Variants in HERC1 observed in about 807,000 individuals in gnomAD.
HERC1 encodes HECT and RLD domain containing E3 ubiquitin protein ligase family member 1.
In HERC1, 160 loss-of-function variants were observed where a neutral mutation model predicts 554.3. The ratio of observed to expected loss-of-function variants is 0.29; its 90% CI spans 0.25 to 0.33. The LOEUF (loss-of-function observed/expected upper bound fraction) is 0.33, where lower values mean the gene tolerates loss of function less well. Ranked by LOEUF, HERC1 falls within the 10% of genes least tolerant of loss-of-function variation. HERC1 has a pLI of 1.00. For missense variants in HERC1, 4,919 were observed against 5,918.5 expected (o/e 0.83, Z 5.54); for synonymous variants, 2,175 against 2,131.7 (o/e 1.02, Z -0.56).
chr15:63,829,783 G>A (rs1209289049), intron 1 of HERC1, among the ~76,000 whole-genome samples: 1 of 151,590 alleles, frequency 6.6e-6, no homozygotes, highest in East Asian at 1.9e-4. Context: ...GGAACAGCCT[G>A]TGGCCCCAGA....
rs541461960 is a variant in HERC1 at position 63,609,313 on chromosome 15, T to C, written c.14401-47A>G. The C allele has an allele frequency of 1.6e-5, 24 of 1,528,240 alleles. 1 individual carries two copies. In the South Asian group the frequency reaches 2.2e-4, roughly 14 times the overall value. The allele number at this position is 1,528,240 out of a possible 1,614,324, so 94.7% of individuals were successfully genotyped here. The stretch of plus-strand genomic sequence containing the variant: ...CGTGACTGGGGACATCAGAGTGCCA[T>C]AAGGGGGAGTGGGGCTGCCCATGAC... On this transcript the variant is annotated intron_variant, in intron 77 of 77. Coordinates refer to ENST00000443617, the MANE Select transcript of HERC1 (RefSeq NM_003922.4).
chr15:63,766,991 T>C (rs769413580), intron 2 of HERC1, among the ~76,000 whole-genome samples: 4 of 148,482 alleles, frequency 2.7e-5, no homozygotes, highest in South Asian at 2.1e-4. Flanking sequence ...ACTAAAGTTT[T>C]ATAGGTTTTT....
In HERC1 at chr15:63,677,114, G is replaced by A. The variant is rs1282975476; in HGVS notation, c.7070+731C>T. Among the ~76,000 whole-genome samples the A allele has an allele frequency of 6.6e-6, 1 of 152,140 alleles. No homozygotes were observed. Among genetic ancestry groups the A allele is most frequent in the Non-Finnish European group, 1.5e-5 (1 of 68,020 alleles). ...GCTCCAATGGGCAACTCCTTTGAGT[G>A]AAAACCTGAAACTTTTTGAGCACCA... On this transcript the variant is annotated intron_variant, in intron 37 of 77. Coordinates refer to ENST00000443617, the MANE Select transcript of HERC1 (RefSeq NM_003922.4). The surrounding 1 kb of genome is among the most constrained non-coding windows in gnomAD (Gnocchi z 4.4).
In HERC1 at chr15:63,698,745, G is replaced by A; in HGVS notation, c.4888C>T (p.Gln1630Ter). Residue 1630 changes from glutamine (Q) to a stop codon, truncating the protein, a stop_gained, in exon 26 of 78, where the codon CAG becomes TAG. Coordinates refer to ENST00000443617, the MANE Select transcript of HERC1 (RefSeq NM_003922.4). LOFTEE classifies it high-confidence loss of function. ...PQASIIAMEQ[Q>*]QLRAELRLEA... ...AGACTTACTTCTGCCCTTAACTGCT[G>A]CTGTTCCATTGCAATGATGGAGGCC... 1 of 1,613,640 alleles carries A rather than the reference G, an allele frequency of 6.2e-7. No individual in the cohort carries two copies. Among genetic ancestry groups the A allele is most frequent in the Non-Finnish European group, 8.5e-7 (1 of 1,179,708 alleles).
intron 1 of HERC1, among the ~76,000 whole-genome samples, chr15:63,810,392 T>C (rs1430006182): frequency 6.6e-6 from 1 of 152,072 alleles, no homozygotes; most frequent in Admixed American, 6.5e-5. Context: ...TAAACTATTA[T>C]GTTTCATGAA....
chr15:63,797,351 A>G (rs1251193559), intron 1 of HERC1, among the ~76,000 whole-genome samples: 1 of 152,290 alleles, frequency 6.6e-6, no homozygotes, highest in Non-Finnish European at 1.5e-5. Flanking sequence ...AAGGGTCACA[A>G]TATTTGTCAC....
chr15:63,694,728 C>G lies in HERC1; in HGVS notation c.5242+46G>C. 1.2e-6 allele frequency: 2 copies of G among 1,613,048 alleles called. No individual in the cohort carries two copies. Among genetic ancestry groups the G allele is most frequent in the Non-Finnish European group, 1.7e-6 (2 of 1,179,054 alleles). Reference sequence around the variant, plus strand: ...ACATAACTAGTACCATAACCTCGGGCTAAAATGTAACCTGCACTGTACATT... The same window carrying G: ...ACATAACTAGTACCATAACCTCGGGGTAAAATGTAACCTGCACTGTACATT... On this transcript the variant is annotated intron_variant, in intron 28 of 77. Coordinates refer to ENST00000443617, the MANE Select transcript of HERC1 (RefSeq NM_003922.4). This position sits in a 1 kb window ranked among gnomAD's most constrained non-coding sequence, Gnocchi z 4.3.
At position 63,640,177 on chromosome 15, in the gene HERC1, G is replaced by C; in HGVS notation, c.11876C>G (p.Pro3959Arg). Residue 3959 changes from proline to arginine, a missense_variant, in exon 61 of 78, where the codon CCA becomes CGA. Pro to Arg is a moderately radical substitution (Grantham distance 103, BLOSUM62 -2). Coordinates refer to ENST00000443617, the MANE Select transcript of HERC1 (RefSeq NM_003922.4). ...CATTAGAAATACAAGTTCATCCTCT[G>C]GAACAGGTTCTAGATCTGGAACGGT... ...SFTVPDLEPV[P>R]EDELVFLMDN... 6.2e-7 allele frequency: 1 copy of C among 1,613,822 alleles called. No individual in the cohort carries two copies. Among genetic ancestry groups the C allele is most frequent in the Non-Finnish European group, 8.5e-7 (1 of 1,179,774 alleles).
At chr15:63,728,334 G>A (rs1470937821) in intron 16 of HERC1, among the ~76,000 whole-genome samples, 1 of 152,098 alleles carries the variant, frequency 6.6e-6, no homozygotes, top group African/African-American at 2.4e-5. Context: ...CTTAAATCAT[G>A]TGTTTTTATA....
At chr15:63,778,262 C>T (rs1434693183) in intron 1 of HERC1, among the ~76,000 whole-genome samples, 1 of 152,070 alleles carries the variant, frequency 6.6e-6, no homozygotes. Context: ...AGGAGAAAGG[C>T]TAGTGAAGGG....
At chr15:63,808,189 C>G (rs1327256886) in intron 1 of HERC1, among the ~76,000 whole-genome samples, 1 of 150,916 alleles carries the variant, frequency 6.6e-6, no homozygotes, top group Non-Finnish European at 1.5e-5. Context: ...CAGCTATAAG[C>G]AAATTTATTA....
At chr15:63,747,460 A>G (rs2075096711) in intron 11 of HERC1, among the ~76,000 whole-genome samples, 1 of 146,816 alleles carries the variant, frequency 6.8e-6, no homozygotes, top group African/African-American at 2.5e-5. Flanking sequence ...ACACCATCTT[A>G]AAAAAAAAAA....
intron 14 of HERC1, 78 bp from the exon 15 acceptor site, chr15:63,729,727 AG>A (rs2074196099): frequency 6.8e-7 from 1 of 1,464,848 alleles, no homozygotes; most frequent in African/African-American, 1.4e-5. Flanking sequence ...ATCTGATTTA[AG>A]CAGCATTATA....
In HERC1 at chr15:63,713,399, G is replaced by A. The variant is rs754997594; in HGVS notation, c.4417C>T (p.Gln1473Ter). The A allele has an allele frequency of 1.9e-6, 3 of 1,614,020 alleles. No individual in the cohort carries two copies. The highest frequency in any genetic ancestry group is 2.5e-6 in the Non-Finnish European group (3 of 1,179,880). Residue 1473 changes from glutamine (Q) to a stop codon, truncating the protein, a stop_gained, in exon 23 of 78, where the codon CAG becomes TAG. Coordinates refer to ENST00000443617, the MANE Select transcript of HERC1 (RefSeq NM_003922.4). LOFTEE classifies it high-confidence loss of function. Reference sequence around the variant, plus strand: ...TCAGAGGCACTTGTTGAAGGTTGCTGCAACTGTCCTTCTTCTCTTCGCTTC... The same window carrying A: ...TCAGAGGCACTTGTTGAAGGTTGCTACAACTGTCCTTCTTCTCTTCGCTTC... ...LQKRREEGQL[Q>*]QPSTSASEGG...
intron 27 of HERC1, 130 bp from the exon 28 acceptor site, chr15:63,695,024 CATAT>C: frequency 4.4e-6 from 3 of 685,048 alleles, no homozygotes. Flanking sequence ...TACTATATTT[CATAT>C]ATAAAGTATA....
intron 34 of HERC1, among the ~76,000 whole-genome samples, chr15:63,683,649 GTTTGTT>G (rs909120675): frequency 6.6e-6 from 1 of 152,136 alleles, no homozygotes; most frequent in Non-Finnish European, 1.5e-5. Context: ...ACCATCTAAG[GTTTGTT>G]TTTGTTTTTA....
chr15:63,611,400 T>G (rs941799701), intron 77 of HERC1, among the ~76,000 whole-genome samples: 1 of 152,220 alleles, frequency 6.6e-6, no homozygotes, highest in African/African-American at 2.4e-5. Flanking sequence ...CTTTTCAGAC[T>G]CTAAGCCCTC....
chr15:63,642,341 GT>G (rs1191495176), intron 59 of HERC1, among the ~76,000 whole-genome samples: 1 of 151,366 alleles, frequency 6.6e-6, no homozygotes. Flanking sequence ...GTTTGAGAGA[GT>G]TTTTTTTTCC....
intron 34 of HERC1, among the ~76,000 whole-genome samples, chr15:63,683,029 G>A (rs1595964452): frequency 1.3e-5 from 2 of 151,596 alleles, no homozygotes; most frequent in Non-Finnish European, 1.5e-5. Flanking sequence ...TCACCTATTC[G>A]GGAGGCTGAG....
Sources: gnomAD v4.1 joint callset for allele counts (sites outside exome capture counted in the v4.1 genomes callset) on GRCh38, gnomAD v4.1.1 for gene constraint, Gnocchi (gnomAD v3.1) non-coding constraint, MANE v1.5 for transcripts, NCBI Gene and HGNC (gene_info 2026-07-23, HGNC 2026-07-21) for gene names.